Variants in GIGYF1 observed in about 807,000 individuals in gnomAD.
GIGYF1 encodes GRB10 interacting GYF protein 1, also known as GRB10-interacting GYF protein 1.
In GIGYF1, 84 loss-of-function variants were observed where a neutral mutation model predicts 147.1. That is an observed-to-expected ratio of 0.57 (90% CI 0.48 to 0.68). The LOEUF (loss-of-function observed/expected upper bound fraction) is 0.68. Ranked by LOEUF, GIGYF1 falls within the 30% of genes least tolerant of loss-of-function variation. The pLI is 0.00. For synonymous variants in GIGYF1, 752 were observed against 589.5 expected, an observed-to-expected ratio of 1.28 and a Z score of -3.99; for missense variants, 1,485 against 1,393.7, an observed-to-expected ratio of 1.07 and a Z score of -1.04.
At chr7:100,684,993 A>C in intron 14 of GIGYF1, 56 bp downstream of exon 14, 2 of 1,559,678 alleles carry the variant, frequency 1.3e-6, no homozygotes, top group Non-Finnish European at 1.7e-6. Flanking sequence ...GGCTGGGGCC[A>C]AGCAGGTCAG....
Position 100,686,813 on chromosome 7 carries a change from C to T in GIGYF1, c.530G>A (p.Cys177Tyr). Reference protein sequence around the residue: ...EKSARRDGARCGFEEGGAGPR... With the variant: ...EKSARRDGARYGFEEGGAGPR... Reference sequence around the variant, plus strand: ...GCCAGCCCCTCCCTCCTCAAAGCCACATCGTGCTGGGAGACGGGAAGACAG... The same window carrying T: ...GCCAGCCCCTCCCTCCTCAAAGCCATATCGTGCTGGGAGACGGGAAGACAG... Residue 177 changes from cysteine to tyrosine, a missense_variant, in exon 10 of 27, where the codon TGT becomes TAT. Transcript: ENST00000678049. 6.2e-7 allele frequency: 1 copy of T among 1,613,908 alleles called. No homozygotes were observed. The highest frequency in any genetic ancestry group is 8.5e-7 in the Non-Finnish European group (1 of 1,179,930).
rs764927864 is a variant in GIGYF1 at position 100,684,290 on chromosome 7, C to G, written c.1677G>C (p.Ala559=). 1 of 1,604,842 alleles carries G rather than the reference C, an allele frequency of 6.2e-7. No homozygotes were observed. Among genetic ancestry groups the G allele is most frequent in the Non-Finnish European group, 8.5e-7 (1 of 1,176,662 alleles). The change falls in exon 17 of 27, where the codon GCG becomes GCC. Residue 559 remains alanine, a synonymous_variant. Coordinates refer to ENST00000678049, the MANE Select transcript of GIGYF1 (RefSeq NM_001375765.1). Reference sequence around the variant, plus strand: ...GCTGCAGCTGCTGGTACAAGGCCGCCGCGGCCAGCTCCTGTTGCTTCTTCA... The same window carrying G: ...GCTGCAGCTGCTGGTACAAGGCCGCGGCGGCCAGCTCCTGTTGCTTCTTCA... ...ERLKKQQELA[A]AALYQQLQHQ...
chr7:100,693,288 A>T (rs1299537872), intron 1 of GIGYF1, among the ~76,000 whole-genome samples: 4 of 73,502 alleles, frequency 5.4e-5, no homozygotes, highest in Non-Finnish European at 1.0e-4. Context: ...GTTACTCGGA[A>T]ATTTTTTTGT....
Position 100,679,851 on chromosome 7 carries a change from C to G in GIGYF1, c.*1868G>C, listed in dbSNP as rs995554987. ...AGGCCTCTCCAGGCTCATGGGCCCC[C>G]TAAGTCCAAAGTCTCTTTAGCTGGG... is the stretch of plus-strand genomic sequence containing the variant. On this transcript the variant is annotated 3_prime_UTR_variant, in exon 27 of 27. Coordinates refer to ENST00000678049, the MANE Select transcript of GIGYF1 (RefSeq NM_001375765.1). The G allele has an allele frequency of 1.3e-5, 2 of 152,540 alleles. No homozygotes were observed. The highest frequency in any genetic ancestry group is 4.8e-5 in the African/African-American group (2 of 41,398). The allele number at this position is 152,540 out of a possible 1,614,324, so 9.4% of individuals were successfully genotyped here. A position where few individuals can be genotyped will look rare whatever the true frequency, so the allele number is the denominator to read the frequency against.
At position 100,684,248 on chromosome 7, in the gene GIGYF1, C is replaced by T. The variant is rs535688131; in HGVS notation, c.1719G>A (p.Gln573=). Residue 573 remains glutamine, a synonymous_variant, in exon 17 of 27, where the codon CAG becomes CAA. Coordinates refer to ENST00000678049, the MANE Select transcript of GIGYF1 (RefSeq NM_001375765.1). ...YQQLQHQQFL[Q]LVSSRQLPQC... ...CAGGCCCCCCATACCTGCTGACCAG[C>T]TGGAGAAACTGCTGGTGCTGCAGCT... 5.0e-6 allele frequency: 8 copies of T among 1,609,880 alleles called. No individual in the cohort carries two copies. The highest frequency in any genetic ancestry group is 2.2e-5 in the East Asian group (1 of 44,788).
chr7:100,682,531 G>C lies in GIGYF1; in HGVS notation c.2601-49C>G, dbSNP rs368438506. 6.3e-6 allele frequency: 10 copies of C among 1,598,932 alleles called. No individual in the cohort carries two copies. In the East Asian group the frequency reaches 1.3e-4, roughly 21 times the overall value. ...GTTGGAAATCAGCTGGCAGGGGTTG[G>C]GGGGGTCTGCCACCTTCCCCCTCAG... is the stretch of plus-strand genomic sequence containing the variant. On this transcript the variant is annotated intron_variant, in intron 23 of 26. Coordinates refer to ENST00000678049, the MANE Select transcript of GIGYF1 (RefSeq NM_001375765.1).
At chr7:100,686,550 C>T in intron 10 of GIGYF1, 99 bp downstream of exon 10, 1 of 1,521,100 alleles carries the variant, frequency 6.6e-7, no homozygotes, top group African/African-American at 1.4e-5. Context: ...CCCACACCAG[C>T]CAGCCTCTGC....
Position 100,684,162 on chromosome 7 carries a change from A to C in GIGYF1, c.1731-5T>G. On this transcript the variant is annotated splice_polypyrimidine_tract_variant and splice_region_variant and intron_variant, in intron 17 of 26. Transcript: ENST00000678049. ...GCGCACTGTGGGAGCTGGCGGCTGCAAATGGGACAGTGGAGATGGTGGGCC... is the reference window on the plus strand; with the variant it reads ...GCGCACTGTGGGAGCTGGCGGCTGCCAATGGGACAGTGGAGATGGTGGGCC... The C allele has an allele frequency of 6.2e-7, 1 of 1,609,284 alleles. No homozygotes were observed. Among genetic ancestry groups the C allele is most frequent in the Non-Finnish European group, 8.5e-7 (1 of 1,179,534 alleles).
chr7:100,685,923 C>A (rs1419599105), intron 12 of GIGYF1, 51 bp downstream of exon 12: 3 of 1,492,900 alleles, frequency 2.0e-6, no homozygotes, highest in South Asian at 1.1e-5. Flanking sequence ...GCAAAGAACA[C>A]CAGTGCCTGC....
chr7:100,684,436 G>A lies in GIGYF1; in HGVS notation c.1629+14C>T. On this transcript the variant is annotated intron_variant, in intron 16 of 26. Transcript: ENST00000678049. ...TCACACCCTGTCCCTCCATGCAGGG[G>A]AGAAGCGGCTCACCAGCAGTGGGGG... 2 of 1,611,780 alleles carry A rather than the reference G, an allele frequency of 1.2e-6. No homozygotes were observed. Among genetic ancestry groups the A allele is most frequent in the Non-Finnish European group, 1.7e-6 (2 of 1,179,878 alleles).
intron 10 of GIGYF1, 68 bp downstream of exon 10, chr7:100,686,581 A>G (rs1805362339): frequency 4.5e-6 from 7 of 1,541,076 alleles, no homozygotes; most frequent in Non-Finnish European, 6.1e-6. Context: ...TGGCTACAGG[A>G]GCCCACCCTC....
Position 100,681,774 on chromosome 7 carries a change from G to C in GIGYF1, c.3056-3C>G. ...AGAAGATCCGTGCAGGGAGTACCCT[G>C]AAGCCGGGGAGAAGCTGCGTCTGAG... On this transcript the variant is annotated splice_region_variant and splice_polypyrimidine_tract_variant and intron_variant, in intron 26 of 26. Coordinates refer to ENST00000678049, the MANE Select transcript of GIGYF1 (RefSeq NM_001375765.1). 6.3e-7 allele frequency: 1 copy of C among 1,589,784 alleles called. No individual in the cohort carries two copies. Among genetic ancestry groups the C allele is most frequent in the Non-Finnish European group, 8.6e-7 (1 of 1,166,698 alleles).
rs1452762686 is a variant in GIGYF1 at position 100,682,166 on chromosome 7, C to G, written c.2831G>C (p.Cys944Ser). The part of the protein sequence containing the change: ...PYDVHDYIRS[C>S]LGDTLEAKEF... ...TTTGGCTTCCAGCGTGTCCCCCAGG[C>G]AGGAACGGATATAATCGTGGACATC... is the stretch of plus-strand genomic sequence containing the variant. Residue 944 changes from cysteine to serine, a missense_variant, in exon 25 of 27, where the codon TGC (cysteine) becomes TCC (serine). Coordinates refer to ENST00000678049, the MANE Select transcript of GIGYF1 (RefSeq NM_001375765.1). 3 of 1,614,004 alleles carry G rather than the reference C, an allele frequency of 1.9e-6. No homozygotes were observed. Among genetic ancestry groups the G allele is most frequent in the Non-Finnish European group, 2.5e-6 (3 of 1,179,974 alleles).
At chr7:100,692,512 A>G (rs542161780) in intron 1 of GIGYF1, among the ~76,000 whole-genome samples, 1 of 152,296 alleles carries the variant, frequency 6.6e-6, no homozygotes, top group African/African-American at 2.4e-5. Context: ...GCCATTTTAC[A>G]TTTGTTAGAC....
chr7:100,693,842 C>A (rs1353157921), intron 1 of GIGYF1: 2 of 151,526 alleles, frequency 1.3e-5, no homozygotes, highest in African/African-American at 2.4e-5. Context: ...AGCCGGGCGC[C>A]GGCCTCCCGG....
At position 100,682,575 on chromosome 7, in the gene GIGYF1, AG is replaced by A. The variant is rs1272640602; in HGVS notation, c.2600+14del. 5.0e-6 allele frequency: 8 copies of A among 1,592,246 alleles called. No individual in the cohort carries two copies. Among genetic ancestry groups the A allele is most frequent in the Non-Finnish European group, 6.8e-6 (8 of 1,172,842 alleles). On this transcript the variant is annotated intron_variant, in intron 23 of 26. Transcript: ENST00000678049. ...CCCTCAGGGCCATCCCGGAGCCTCC[AG>A]GTGCCACGCCCACCTGAGAGATGGG...
chr7:100,693,050 G>A (rs1211023831), intron 1 of GIGYF1, among the ~76,000 whole-genome samples: 3 of 152,172 alleles, frequency 2.0e-5, no homozygotes, highest in Non-Finnish European at 4.4e-5. Context: ...GACTCGAAGA[G>A]GCAGTGCACA....
intron 1 of GIGYF1, among the ~76,000 whole-genome samples, chr7:100,692,817 G>C (rs1194704428): frequency 6.6e-6 from 1 of 152,186 alleles, no homozygotes; most frequent in Non-Finnish European, 1.5e-5. Flanking sequence ...ACAGACCGCT[G>C]GGGGACCAAG....
At position 100,683,601 on chromosome 7, in the gene GIGYF1, A is replaced by C; in HGVS notation, c.2001T>G (p.Ile667Met). Residue 667 changes from isoleucine to methionine, a missense_variant, in exon 20 of 27, where the codon ATT (isoleucine) becomes ATG (methionine). By Grantham distance (10) the Ile-to-Met change is conservative. Coordinates refer to ENST00000678049, the MANE Select transcript of GIGYF1 (RefSeq NM_001375765.1). ...GAATTGGACCCTGAGTCGAAGAGTT[A>C]ATTGGTATGTCCCAAAGACTGGCCT... ...GGEASLWDIPINSSTQGPILE... is the reference protein window; with the variant it reads ...GGEASLWDIPMNSSTQGPILE... 1 of 1,614,196 alleles carries C rather than the reference A, an allele frequency of 6.2e-7. No individual in the cohort carries two copies. The highest frequency in any genetic ancestry group is 8.5e-7 in the Non-Finnish European group (1 of 1,180,012).
Sources: gnomAD v4.1 joint callset for allele counts (sites outside exome capture counted in the v4.1 genomes callset) on GRCh38, gnomAD v4.1.1 for gene constraint, MANE v1.5 for transcripts, NCBI Gene and HGNC (gene_info 2026-07-23, HGNC 2026-07-21) for gene names.